The following LCOR variants were observed in gnomAD, a reference collection of about 807,000 sequenced individuals.
LCOR encodes ligand dependent nuclear receptor corepressor.
Under a neutral mutation model 64.4 loss-of-function variants are expected in LCOR, and 14 were observed. That is an observed-to-expected ratio of 0.22 (90% CI 0.14 to 0.34). The LOEUF (loss-of-function observed/expected upper bound fraction) is 0.34, where lower values mean the gene tolerates loss of function less well. Ranked by LOEUF, LCOR falls within the 10% of genes least tolerant of loss-of-function variation. The pLI is 1.00. For synonymous variants in LCOR, 643 were observed against 642.5 expected (o/e 1.00, Z -0.01); for missense variants, 1,686 against 1,765.3 (o/e 0.96, Z 0.80).
At chr10:96,906,366 C>T (rs1302957455) in intron 2 of LCOR, among the ~76,000 whole-genome samples, 3 of 152,072 alleles carry the variant, frequency 2.0e-5, no homozygotes, top group East Asian at 3.8e-4. Flanking sequence ...TTTGAGTTCC[C>T]GGTGAGGTCC....
chr10:96,969,811 G>A (rs1359907238), intron 7 of LCOR, among the ~76,000 whole-genome samples: 1 of 128,834 alleles, frequency 7.8e-6, no homozygotes, highest in South Asian at 2.4e-4. Context: ...CAAGAGTCTC[G>A]CTCTGTTGCC....
chr10:96,836,677 T>C (rs543507161), intron 2 of LCOR, among the ~76,000 whole-genome samples: 67 of 152,292 alleles, frequency 4.4e-4, no homozygotes, highest in African/African-American at 1.6e-3. Flanking sequence ...GATGGACGAT[T>C]TCGTGAAGAA....
rs189630068 is a variant in LCOR, at chr10:96,920,574, A to G, written c.-184+12827A>G. ...TATATATGTGTATATATGTATGTAT[A>G]TTCATATATATGTGTATATATGTAT... On this transcript the variant is annotated intron_variant, in intron 4 of 7. Transcript: ENST00000421806. 3.3e-3 allele frequency among the ~76,000 whole-genome samples: 466 copies of G among 140,088 alleles called. 11 individuals carry two copies. Among genetic ancestry groups the G allele is most frequent in the African/African-American group, 0.013 (440 of 33,582 alleles). The allele number at this position is 140,088 out of a possible 152,430, so 91.9% of individuals were successfully genotyped here.
In LCOR at chr10:96,944,207, A is replaced by G; in HGVS notation, c.-89A>G. 1.0e-6 allele frequency: 1 copy of G among 985,732 alleles called. No homozygotes were observed. Among genetic ancestry groups the G allele is most frequent in the Non-Finnish European group, 1.2e-6 (1 of 829,902 alleles). The allele number at this position is 985,732 out of a possible 1,614,324, so 61.1% of individuals were successfully genotyped here. A position where few individuals can be genotyped will look rare whatever the true frequency, so the allele number is the denominator to read the frequency against. The stretch of plus-strand genomic sequence containing the variant: ...GCAAAAATCATTCGATTCGAGAGAC[A>G]AGCAGAAGAATTCCTCAATGCAGTC... On this transcript the variant is annotated 5_prime_UTR_variant, in exon 5 of 8. Transcript: ENST00000421806.
intron 2 of LCOR, among the ~76,000 whole-genome samples, chr10:96,873,250 T>C (rs558493536): frequency 6.6e-6 from 1 of 152,288 alleles, no homozygotes; most frequent in African/African-American, 2.4e-5. Flanking sequence ...CTGTAATTAG[T>C]TTCTAAAAGC....
At chr10:96,872,591 A>G (rs1161412604) in intron 2 of LCOR, among the ~76,000 whole-genome samples, 1 of 152,178 alleles carries the variant, frequency 6.6e-6, no homozygotes, top group Non-Finnish European at 1.5e-5. Context: ...GGACTGAGGC[A>G]GGAGGATTGC....
intron 1 of LCOR, chr10:96,833,065 C>T: frequency 4.1e-6 from 4 of 986,420 alleles, no homozygotes; most frequent in Non-Finnish European, 4.8e-6. Flanking sequence ...GCAGCGGCTG[C>T]ACTTCCTCAG....
chr10:96,978,039 T>TC (rs1378414663), intron 7 of LCOR, among the ~76,000 whole-genome samples: 1 of 152,220 alleles, frequency 6.6e-6, no homozygotes, highest in Non-Finnish European at 1.5e-5. Flanking sequence ...TTACTGATTC[T>TC]CCATCTCCAC....
chr10:96,836,752 A>G (rs190258700), intron 2 of LCOR, among the ~76,000 whole-genome samples: 3 of 152,362 alleles, frequency 2.0e-5, no homozygotes, highest in East Asian at 1.9e-4. Context: ...GGCATGAGCA[A>G]AAGTGGAGAA....
At chr10:96,962,759 G>T (rs1847900507) in intron 7 of LCOR, 3 of 151,834 alleles carry the variant, frequency 2.0e-5, no homozygotes, top group African/African-American at 7.3e-5. Flanking sequence ...GCTTATTGCT[G>T]CTTTGAAAAA....
chr10:96,838,721 T>C (rs552458226), intron 2 of LCOR, among the ~76,000 whole-genome samples: 36 of 152,394 alleles, frequency 2.4e-4, no homozygotes, highest in Admixed American at 9.8e-4. Flanking sequence ...TGTTTATCCG[T>C]TAATCAGTTG....
intron 7 of LCOR, among the ~76,000 whole-genome samples, chr10:96,969,280 A>G (rs945714903): frequency 2.0e-5 from 3 of 152,340 alleles, no homozygotes; most frequent in South Asian, 2.1e-4. Flanking sequence ...AGGGCAGCCA[A>G]TCTTGTTCAA....
intron 7 of LCOR, among the ~76,000 whole-genome samples, chr10:96,974,790 TA>T (rs992196863): frequency 2.0e-5 from 3 of 152,142 alleles, no homozygotes; most frequent in South Asian, 4.1e-4. Flanking sequence ...TTTTTTAACA[TA>T]AAAAAATAGT....
rs145644462 is a variant in LCOR at position 96,898,258 on chromosome 10, G to T, written c.-329-9007G>T. On this transcript the variant is annotated intron_variant, in intron 2 of 7. Coordinates refer to ENST00000421806, the MANE Select transcript of LCOR (RefSeq NM_001346516.2). ...ATACCTTAGAATTAGATTGAGGGTT[G>T]CAGGAAGAACATTGTAGGCTGACGA... 3.4e-4 allele frequency among the ~76,000 whole-genome samples: 52 copies of T among 152,294 alleles called. 1 individual carries two copies. In the South Asian group the frequency reaches 6.0e-3, roughly 18 times the overall value.
chr10:96,940,303 A>ATTTTTTTTT (rs552752409), intron 4 of LCOR, among the ~76,000 whole-genome samples: 15 of 65,422 alleles, frequency 2.3e-4, no homozygotes, highest in South Asian at 7.0e-4. Context: ...GGTGGTCATG[A>ATTTTTTTTT]TTTTTTTTTT....
chr10:96,895,702 A>G (rs922767826), intron 2 of LCOR, among the ~76,000 whole-genome samples: 30 of 152,252 alleles, frequency 2.0e-4, no homozygotes, highest in African/African-American at 6.3e-4. Context: ...CTAATTCTCA[A>G]TATACCGTAC....
At chr10:96,859,259 G>C (rs1845850242) in intron 2 of LCOR, among the ~76,000 whole-genome samples, 1 of 152,158 alleles carries the variant, frequency 6.6e-6, no homozygotes, top group Admixed American at 6.5e-5. Flanking sequence ...TGCCCGGCTG[G>C]AGTGCAATGG....
intron 4 of LCOR, among the ~76,000 whole-genome samples, chr10:96,912,509 T>C (rs1431944012): frequency 6.6e-6 from 1 of 152,252 alleles, no homozygotes; most frequent in Non-Finnish European, 1.5e-5. Context: ...TGTATCATTC[T>C]TCGTGCATCA....
intron 4 of LCOR, among the ~76,000 whole-genome samples, chr10:96,914,707 T>A (rs1846907893): frequency 6.6e-6 from 1 of 152,238 alleles, no homozygotes; most frequent in Admixed American, 6.5e-5. Context: ...ATGAAGTCTT[T>A]ATCTAATGCT....
Sources: gnomAD v4.1 joint callset for allele counts (sites outside exome capture counted in the v4.1 genomes callset) on GRCh38, gnomAD v4.1.1 for gene constraint, MANE v1.5 for transcripts, NCBI Gene and HGNC (gene_info 2026-07-23, HGNC 2026-07-21) for gene names.